Variants in SLA observed in about 807,000 individuals in gnomAD.
The protein encoded by SLA is Src like adaptor, also known as src-like-adapter.
Under a neutral mutation model 30.3 loss-of-function variants are expected in SLA, and 16 were observed. The observed-to-expected ratio is 0.53, with a 90% CI of 0.36 to 0.80. SLA has a LOEUF of 0.80. Ranked by LOEUF, SLA falls within the 30% of genes least tolerant of loss-of-function variation. The pLI is 0.01. For missense variants in SLA, 310 were observed against 345.2 expected (o/e 0.90, Z 0.81); for synonymous variants, 143 against 137.8 (o/e 1.04, Z -0.26).
intron 2 of SLA, among the ~76,000 whole-genome samples, chr8:133,064,908 G>A (rs746566851): frequency 6.6e-5 from 10 of 152,130 alleles, no homozygotes; most frequent in African/African-American, 9.7e-5. Context: ...ATCGTGCACC[G>A]AAGGGGAGAC....
At chr8:133,089,681 C>G (rs1208945281) in intron 1 of SLA, among the ~76,000 whole-genome samples, 6 of 152,190 alleles carry the variant, frequency 3.9e-5, no homozygotes, top group African/African-American at 1.2e-4. Context: ...CTCCCTCACT[C>G]ATACAGTCAT....
chr8:133,043,606 A>G (rs1838742472), intron 7 of SLA, among the ~76,000 whole-genome samples: 2 of 152,184 alleles, frequency 1.3e-5, no homozygotes, highest in South Asian at 4.1e-4. Context: ...GGGGACCCCA[A>G]GTTCTGAGGG....
chr8:133,049,173 C>T (rs1350595069), intron 5 of SLA: 1 of 456,556 alleles, frequency 2.2e-6, no homozygotes, highest in East Asian at 6.9e-5. Context: ...GCAGAGGCCT[C>T]ACTGGAACGA....
At chr8:133,094,034 T>A (rs1848014726) in intron 1 of SLA, among the ~76,000 whole-genome samples, 1 of 152,092 alleles carries the variant, frequency 6.6e-6, no homozygotes, top group African/African-American at 2.4e-5. Context: ...TGGTTACCCA[T>A]GACTCTTCAG....
At position 133,038,457 on chromosome 8, in the gene SLA, G is replaced by T; in HGVS notation, c.*67C>A. ...CAGGGATCAGGGAACCTCGCTTTTC[G>T]CAAGATCCCAGGCAATAGTTGGAAC... On this transcript the variant is annotated 3_prime_UTR_variant, in exon 9 of 9. Coordinates refer to ENST00000338087, the MANE Select transcript of SLA (RefSeq NM_001045556.3). The T allele has an allele frequency of 9.9e-6, 13 of 1,314,416 alleles. No individual in the cohort carries two copies. The highest frequency in any genetic ancestry group is 3.4e-5 in the Admixed American group (2 of 58,054). The allele number at this position is 1,314,416 out of a possible 1,614,324, so 81.4% of individuals were successfully genotyped here. A position where few individuals can be genotyped will look rare whatever the true frequency, so the allele number is the denominator to read the frequency against.
chr8:133,052,901 T>A (rs940884925), intron 3 of SLA, among the ~76,000 whole-genome samples: 2 of 152,140 alleles, frequency 1.3e-5, no homozygotes, highest in Non-Finnish European at 2.9e-5. Flanking sequence ...TGGGCCTGGG[T>A]TTCCTAGTCT....
intron 2 of SLA, among the ~76,000 whole-genome samples, chr8:133,072,338 A>G (rs1455705468): frequency 6.6e-6 from 1 of 152,230 alleles, no homozygotes; most frequent in East Asian, 1.9e-4. Context: ...AACAGAGTGT[A>G]CTTATTTCCT....
intron 1 of SLA, among the ~76,000 whole-genome samples, chr8:133,083,472 A>G (rs1467015225): frequency 6.6e-6 from 1 of 152,192 alleles, no homozygotes; most frequent in Admixed American, 6.5e-5. Flanking sequence ...TAGTTTTCCT[A>G]AGAACACACA....
At chr8:133,046,923 CAGAT>C (rs992334500) in intron 6 of SLA, among the ~76,000 whole-genome samples, 1 of 152,214 alleles carries the variant, frequency 6.6e-6, no homozygotes, top group Non-Finnish European at 1.5e-5. Flanking sequence ...GAAGTACTCT[CAGAT>C]AGTGTGTTTT....
At chr8:133,068,952 A>G (rs1419233418) in intron 2 of SLA, among the ~76,000 whole-genome samples, 1 of 152,256 alleles carries the variant, frequency 6.6e-6, no homozygotes, top group Non-Finnish European at 1.5e-5. Flanking sequence ...GGTCCTGGAT[A>G]CCTCTAGATC....
Position 133,047,814 on chromosome 8 carries a change from G to A in SLA, c.352+16C>T, listed in dbSNP as rs1839733638. ...GTCTGCCCCGGATGGGGAAAGATGA[G>A]TTGGGGGCCACTCACCTTTCTTGGT... On this transcript the variant is annotated intron_variant, in intron 6 of 8. Coordinates refer to ENST00000338087, the MANE Select transcript of SLA (RefSeq NM_001045556.3). The A allele has an allele frequency of 2.2e-6, 3 of 1,392,610 alleles. No individual in the cohort carries two copies. The highest frequency in any genetic ancestry group is 1.2e-5 in the South Asian group (1 of 86,824). The allele number at this position is 1,392,610 out of a possible 1,614,324, so 86.3% of individuals were successfully genotyped here.
intron 5 of SLA, 122 bp downstream of exon 5, chr8:133,049,780 G>A: frequency 1.4e-6 from 1 of 740,720 alleles, no homozygotes; most frequent in East Asian, 2.6e-5. Context: ...TTGGGAGCAG[G>A]ACTATCTCTT....
At chr8:133,086,463 C>T (rs564464727) in intron 1 of SLA, among the ~76,000 whole-genome samples, 54 of 152,140 alleles carry the variant, frequency 3.5e-4, no homozygotes, top group Non-Finnish European at 5.6e-4. Context: ...TTCTTTAATA[C>T]GGATGTTCAT....
intron 1 of SLA, among the ~76,000 whole-genome samples, chr8:133,101,585 T>C (rs73708850): frequency 0.15 from 14,007 of 96,224 alleles, 2,195 homozygotes; most frequent in African/African-American, 0.38. Flanking sequence ...TTGCAGTAAA[T>C]TGCCACATCC....
At chr8:133,073,788 C>T (rs571076946) in intron 2 of SLA, among the ~76,000 whole-genome samples, 64 of 152,270 alleles carry the variant, frequency 4.2e-4, no homozygotes, top group African/African-American at 1.5e-3. Context: ...TCCCCCAACC[C>T]TTTAGAGCCC....
At position 133,068,773 on chromosome 8, in the gene SLA, T is replaced by C. The variant is rs2739147; in HGVS notation, c.-41+6080A>G. On this transcript the variant is annotated intron_variant, in intron 2 of 8. Coordinates refer to ENST00000338087, the MANE Select transcript of SLA (RefSeq NM_001045556.3). ...TTCCTGACGTGGCTTTGATAGTTCA[T>C]GGAAATAAAAAGAGCCCATTTCTTT... 4.6e-5 allele frequency among the ~76,000 whole-genome samples: 7 copies of C among 152,242 alleles called. No individual in the cohort carries two copies. The South Asian group carries it at 1.4e-3, about 31-fold the overall frequency.
chr8:133,062,264 C>A (rs992817271), intron 2 of SLA, among the ~76,000 whole-genome samples: 7 of 152,170 alleles, frequency 4.6e-5, no homozygotes, highest in African/African-American at 1.7e-4. Flanking sequence ...GGCCTCTGAC[C>A]CTGGTAGGAA....
intron 1 of SLA, among the ~76,000 whole-genome samples, chr8:133,082,822 AC>A (rs150844889): frequency 0.17 from 26,260 of 152,206 alleles, 2,812 homozygotes; most frequent in Non-Finnish European, 0.24. Context: ...CATGGCATAT[AC>A]TTTTTTTCTA....
In SLA at chr8:133,070,029, A is replaced by AAAAAAAC. The variant is rs376711807; in HGVS notation, c.-41+4823_-41+4824insGTTTTTT. On this transcript the variant is annotated intron_variant, in intron 2 of 8. Transcript: ENST00000338087. ...AAAAAAAAAAAAAAAAAAAAAAAGA[A>AAAAAAAC]AGAAAGAAAGAAAAGAAAAGAAGAA... 2.9e-4 allele frequency among the ~76,000 whole-genome samples: 32 copies of AAAAAAAC among 109,784 alleles called. 5 individuals carry two copies. Among genetic ancestry groups the AAAAAAAC allele is most frequent in the Middle Eastern group, 5.7e-3 (1 of 174 alleles). 72.0% of individuals were successfully genotyped at this position (109,784 alleles called of 152,430 possible).
Sources: allele counts gnomAD v4.1 joint callset (sites outside exome capture counted in the v4.1 genomes callset), GRCh38; gene constraint gnomAD v4.1.1; transcripts MANE v1.5; gene names NCBI Gene and HGNC (gene_info 2026-07-23, HGNC 2026-07-21).